Variants in UNC5D observed in about 807,000 individuals in gnomAD.
UNC5D encodes the protein netrin receptor UNC5D.
Under a neutral mutation model 105.4 loss-of-function variants are expected in UNC5D, and 39 were observed. That is an observed-to-expected ratio of 0.37 (90% CI 0.29 to 0.48). The LOEUF (loss-of-function observed/expected upper bound fraction) is 0.48, where lower values mean the gene tolerates loss of function less well. UNC5D is among the 20% of genes least tolerant of loss of function. The pLI is 0.98. For synonymous variants in UNC5D, 452 were observed against 450.4 expected (o/e 1.00, Z -0.04); for missense variants, 991 against 1,202.4 (o/e 0.82, Z 2.60).
chr8:35,436,486 GA>G (rs1229228956), intron 1 of UNC5D, among the ~76,000 whole-genome samples: 2 of 151,982 alleles, frequency 1.3e-5, no homozygotes, highest in African/African-American at 4.8e-5. Flanking sequence ...CAAAAGCCCT[GA>G]ACTGAGTCCT....
At chr8:35,494,582 A>G (rs1008447130) in intron 1 of UNC5D, among the ~76,000 whole-genome samples, 1 of 152,188 alleles carries the variant, frequency 6.6e-6, no homozygotes, top group Non-Finnish European at 1.5e-5. Flanking sequence ...AGTGACCATG[A>G]TGAAAAGCAG....
chr8:35,650,365 T>G (rs1364486023), intron 4 of UNC5D, among the ~76,000 whole-genome samples: 1 of 152,176 alleles, frequency 6.6e-6, no homozygotes, highest in African/African-American at 2.4e-5. Flanking sequence ...AAGCAGTTTC[T>G]AATATGATAG....
At chr8:35,626,606 A>T (rs1563606204) in intron 4 of UNC5D, among the ~76,000 whole-genome samples, 1 of 152,220 alleles carries the variant, frequency 6.6e-6, no homozygotes, top group African/African-American at 2.4e-5. Context: ...CGAGTGCTTG[A>T]AAATGATTAA....
intron 1 of UNC5D, among the ~76,000 whole-genome samples, chr8:35,380,720 G>A (rs962880054): frequency 4.6e-5 from 7 of 152,136 alleles, no homozygotes; most frequent in African/African-American, 1.7e-4. Flanking sequence ...GATTCTGGAT[G>A]TTACACAATT....
At chr8:35,706,684 G>A (rs147569416) in intron 8 of UNC5D, among the ~76,000 whole-genome samples, 7 of 152,244 alleles carry the variant, frequency 4.6e-5, no homozygotes, top group Non-Finnish European at 1.0e-4. Context: ...AGCTCCTCAG[G>A]TGACTCCAAG....
chr8:35,609,449 G>A (rs117568263), intron 4 of UNC5D, among the ~76,000 whole-genome samples: 484 of 152,236 alleles, frequency 3.2e-3, no homozygotes, highest in Non-Finnish European at 5.4e-3. Context: ...TGAAAACAAG[G>A]CAGAATGAGA....
chr8:35,370,077 T>G (rs1177789353), intron 1 of UNC5D, among the ~76,000 whole-genome samples: 1 of 152,204 alleles, frequency 6.6e-6, no homozygotes, highest in Non-Finnish European at 1.5e-5. Flanking sequence ...TTATGCAGAC[T>G]TTGTAAGAAG....
At chr8:35,640,686 A>T (rs1822653107) in intron 4 of UNC5D, among the ~76,000 whole-genome samples, 1 of 152,178 alleles carries the variant, frequency 6.6e-6, no homozygotes, top group Non-Finnish European at 1.5e-5. Flanking sequence ...ATTTTTCAAA[A>T]TCTAAATTCC....
At chr8:35,684,930 C>T (rs1188499353) in intron 6 of UNC5D, among the ~76,000 whole-genome samples, 181 bp downstream of exon 6, 2 of 152,144 alleles carry the variant, frequency 1.3e-5, no homozygotes, top group African/African-American at 2.4e-5. Flanking sequence ...TGAAATACCA[C>T]GGTGCAATGT....
intron 2 of UNC5D, among the ~76,000 whole-genome samples, chr8:35,551,779 C>T (rs546842171): frequency 2.0e-5 from 3 of 150,998 alleles, no homozygotes; most frequent in South Asian, 4.2e-4. Flanking sequence ...GATCATGCCA[C>T]TGCACTCCAG....
chr8:35,776,906 C>T (rs1054809314), intron 16 of UNC5D, among the ~76,000 whole-genome samples: 2 of 152,018 alleles, frequency 1.3e-5, no homozygotes, highest in South Asian at 2.1e-4. Flanking sequence ...GCCACAAGTT[C>T]GAGGCCACAA....
In UNC5D at chr8:35,347,733, C is replaced by T. The variant is rs569758547; in HGVS notation, c.103+111846C>T. 8.6e-5 allele frequency among the ~76,000 whole-genome samples: 13 copies of T among 152,046 alleles called. No homozygotes were observed. The East Asian group carries it at 2.3e-3, about 27-fold the overall frequency. On this transcript the variant is annotated intron_variant, in intron 1 of 16. Transcript: ENST00000404895. ...AGAGAAAGAGGCCAGGCCTCAAGAT[C>T]GGTGCTCTTTGTACTTCATGAGTGT...
At chr8:35,406,779 T>C (rs762415911) in intron 1 of UNC5D, among the ~76,000 whole-genome samples, 20 of 152,316 alleles carry the variant, frequency 1.3e-4, no homozygotes, top group Non-Finnish European at 2.9e-4. Context: ...CAAGATCCTA[T>C]AACTAGTTGG....
At chr8:35,593,851 A>G (rs1819328275) in intron 3 of UNC5D, among the ~76,000 whole-genome samples, 1 of 152,246 alleles carries the variant, frequency 6.6e-6, no homozygotes, top group African/African-American at 2.4e-5. Context: ...ATGATAGACT[A>G]ATTTTGATAT....
At chr8:35,378,112 A>T (rs996891374) in intron 1 of UNC5D, among the ~76,000 whole-genome samples, 8 of 152,110 alleles carry the variant, frequency 5.3e-5, no homozygotes, top group African/African-American at 1.9e-4. Flanking sequence ...CTGTTTTAAA[A>T]AACTCCTCTA....
At chr8:35,639,902 T>C (rs1822608106) in intron 4 of UNC5D, among the ~76,000 whole-genome samples, 3 of 151,892 alleles carry the variant, frequency 2.0e-5, no homozygotes, top group Admixed American at 2.0e-4. Context: ...TTTTTTAAAT[T>C]TTTTGTAGTG....
In UNC5D at chr8:35,269,099, G is replaced by A. The variant is rs980309190; in HGVS notation, c.103+33212G>A. On this transcript the variant is annotated intron_variant, in intron 1 of 16. Transcript: ENST00000404895. ...AAAGAAAACACATATTTAAGGTGAT[G>A]GATATCCCAGTTACACTGATTTGAT... is the stretch of plus-strand genomic sequence containing the variant. Among the ~76,000 whole-genome samples, 9 of 152,114 alleles carry A rather than the reference G, an allele frequency of 5.9e-5. No homozygotes were observed. In the South Asian group the frequency reaches 1.0e-3, roughly 18 times the overall value.
At chr8:35,555,228 G>A (rs1379306647) in intron 2 of UNC5D, among the ~76,000 whole-genome samples, 1 of 152,014 alleles carries the variant, frequency 6.6e-6, no homozygotes, top group Non-Finnish European at 1.5e-5. Flanking sequence ...ATTTCATCTT[G>A]TTCATCACTC....
intron 7 of UNC5D, among the ~76,000 whole-genome samples, chr8:35,693,509 C>T (rs1327432088): frequency 6.6e-6 from 1 of 152,100 alleles, no homozygotes; most frequent in Admixed American, 6.6e-5. Flanking sequence ...GCCTTTGTTA[C>T]CAACCAGGTC....
Sources: allele counts gnomAD v4.1 joint callset (sites outside exome capture counted in the v4.1 genomes callset), GRCh38; gene constraint gnomAD v4.1.1; transcripts MANE v1.5; gene names NCBI Gene and HGNC (gene_info 2026-07-23, HGNC 2026-07-21).